FLYWCH2: variants seen among roughly 807,000 people sequenced by gnomAD.
FLYWCH2 encodes FLYWCH family member 2.
In FLYWCH2, 2 loss-of-function variants were observed where a neutral mutation model predicts 6.0. The observed-to-expected ratio is 0.33, with a 90% CI of 0.14 to 1.04. FLYWCH2 has a LOEUF of 1.04. Among genes scored for constraint, FLYWCH2 ranks in the 50% least tolerant of loss-of-function variants. The pLI is 0.45. For missense variants in FLYWCH2, 192 were observed against 183.4 expected (o/e 1.05, Z -0.27); for synonymous variants, 87 against 79.3 (o/e 1.10, Z -0.52).
At chr16:2,887,641 G>A (rs1370246313) in intron 1 of FLYWCH2, among the ~76,000 whole-genome samples, 1 of 151,690 alleles carries the variant, frequency 6.6e-6, no homozygotes, top group Non-Finnish European at 1.5e-5. Context: ...CACAATCACA[G>A]CTTACTGCAG....
At chr16:2,893,332 G>A (rs2069780740) in intron 1 of FLYWCH2, among the ~76,000 whole-genome samples, 1 of 152,118 alleles carries the variant, frequency 6.6e-6, no homozygotes, top group Non-Finnish European at 1.5e-5. Flanking sequence ...GCAGCCCAGG[G>A]GCTGCCAGCC....
At chr16:2,893,386 T>C (rs2069781202) in intron 1 of FLYWCH2, among the ~76,000 whole-genome samples, 1 of 152,238 alleles carries the variant, frequency 6.6e-6, no homozygotes, top group East Asian at 1.9e-4. Flanking sequence ...ATTTTGGAGA[T>C]TCCAGGAATT....
intron 3 of FLYWCH2, among the ~76,000 whole-genome samples, chr16:2,897,168 G>C (rs926621377): frequency 6.6e-6 from 1 of 152,170 alleles, no homozygotes; most frequent in Non-Finnish European, 1.5e-5. Context: ...AAGCTTCTTT[G>C]GTCTCACTCA....
intron 3 of FLYWCH2, among the ~76,000 whole-genome samples, chr16:2,897,788 G>A (rs559408543): frequency 6.6e-6 from 1 of 152,362 alleles, no homozygotes; most frequent in South Asian, 2.1e-4. Context: ...CTAGGCAGCA[G>A]AGGAAATGGG....
chr16:2,885,626 C>A (rs1204331814), intron 1 of FLYWCH2, among the ~76,000 whole-genome samples: 1 of 152,192 alleles, frequency 6.6e-6, no homozygotes, highest in Non-Finnish European at 1.5e-5. Flanking sequence ...ATAATTTCTT[C>A]AAGGTTCATT....
intron 1 of FLYWCH2, among the ~76,000 whole-genome samples, chr16:2,883,824 G>C (rs2069667463): frequency 6.6e-6 from 1 of 152,230 alleles, no homozygotes; most frequent in Non-Finnish European, 1.5e-5. Context: ...GGACCATTTG[G>C]GCGCAGCCCA....
At chr16:2,892,999 ATATAT>A (rs140156458) in intron 1 of FLYWCH2, among the ~76,000 whole-genome samples, 4,430 of 113,358 alleles carry the variant, frequency 0.039, 208 homozygotes, top group African/African-American at 0.13. Flanking sequence ...ACATATATAC[ATATAT>A]TTTATTTATA....
intron 1 of FLYWCH2, among the ~76,000 whole-genome samples, chr16:2,886,784 G>A (rs1033868378): frequency 6.6e-6 from 1 of 152,028 alleles, no homozygotes; most frequent in African/African-American, 2.4e-5. Flanking sequence ...GCCTCCCAAA[G>A]TGCTGGGATT....
chr16:2,885,223 G>C (rs1410663171), intron 1 of FLYWCH2, among the ~76,000 whole-genome samples: 1 of 152,096 alleles, frequency 6.6e-6, no homozygotes, highest in Non-Finnish European at 1.5e-5. Flanking sequence ...TCCGGAGGCT[G>C]AGGCAGGAGA....
In FLYWCH2 at chr16:2,896,678, G is replaced by T. The variant is rs1037199637; in HGVS notation, c.229G>T (p.Ala77Ser). 28 of 1,612,968 alleles carry T rather than the reference G, an allele frequency of 1.7e-5. No individual in the cohort carries two copies. The highest frequency in any genetic ancestry group is 2.3e-5 in the Non-Finnish European group (27 of 1,179,866). ...SLGVPGPATL[A>S]KALLQTHPEA... ...GGGGGTGCCCGGCCCCGCCACCCTT[G>T]CCAAGGCCCTCCTCCAGACCCACCC... is the stretch of plus-strand genomic sequence containing the variant. The change falls in exon 3 of 4, where the codon GCC (alanine) becomes TCC (serine). Residue 77 changes from alanine to serine, a missense_variant. Transcript: ENST00000396958.
intron 1 of FLYWCH2, among the ~76,000 whole-genome samples, chr16:2,884,917 T>C (rs2069681677): frequency 1.3e-5 from 2 of 151,782 alleles, no homozygotes; most frequent in South Asian, 4.2e-4. Flanking sequence ...TTCTTAGGGA[T>C]AGTGACATTG....
At chr16:2,892,495 C>A (rs866726635) in intron 1 of FLYWCH2, among the ~76,000 whole-genome samples, 9 of 143,746 alleles carry the variant, frequency 6.3e-5, no homozygotes, top group African/African-American at 5.1e-5. Context: ...GACTCCATCT[C>A]AAAAAAAAAA....
chr16:2,896,342 C>A lies in FLYWCH2; in HGVS notation c.-98-10C>A. On this transcript the variant is annotated splice_polypyrimidine_tract_variant and intron_variant, in intron 2 of 3. Transcript: ENST00000396958. ...TTCCACCACTGACGGGATTTTGCTT[C>A]CTTCCTTAGGACGGAACCGCTGGAC... is the stretch of plus-strand genomic sequence containing the variant. 8 of 1,389,878 alleles carry A rather than the reference C, an allele frequency of 5.8e-6. No homozygotes were observed. The highest frequency in any genetic ancestry group is 7.6e-6 in the Non-Finnish European group (8 of 1,054,348). 86.1% of individuals were successfully genotyped at this position (1,389,878 alleles called of 1,614,324 possible).
intron 3 of FLYWCH2, chr16:2,898,730 A>G: frequency 3.7e-6 from 1 of 271,604 alleles, no homozygotes; most frequent in Non-Finnish European, 6.9e-6. Flanking sequence ...TCAGGCATCG[A>G]CCACCCCCAT....
rs1275292204 is a variant in FLYWCH2, at chr16:2,887,310, TTTC to T, written c.-200+3947_-200+3949del. ...ACGGGTGCACACCACCATGCCCGGC[TTTC>T]TTTTTTTTTTTTTTTTTTTGTATTT... is the stretch of plus-strand genomic sequence containing the variant. On this transcript the variant is annotated intron_variant, in intron 1 of 3. Coordinates refer to ENST00000396958, the MANE Select transcript of FLYWCH2 (RefSeq NM_138439.3). 4.0e-4 allele frequency among the ~76,000 whole-genome samples: 11 copies of T among 27,714 alleles called. 1 individual carries two copies. Among genetic ancestry groups the T allele is most frequent in the South Asian group, 3.0e-3 (5 of 1,654 alleles). The allele number at this position is 27,714 out of a possible 152,430, so 18.2% of individuals were successfully genotyped here.
At chr16:2,884,578 T>TAAAAAAAAAA (rs1567301767) in intron 1 of FLYWCH2, among the ~76,000 whole-genome samples, 1 of 66,992 alleles carries the variant, frequency 1.5e-5, no homozygotes, top group Non-Finnish European at 2.8e-5. Context: ...AAAAAAAAAA[T>TAAAAAAAAAA]ACAAAAATTA....
At chr16:2,885,649 T>C (rs1242227989) in intron 1 of FLYWCH2, among the ~76,000 whole-genome samples, 1 of 152,236 alleles carries the variant, frequency 6.6e-6, no homozygotes, top group African/African-American at 2.4e-5. Context: ...TGTTGTAGCA[T>C]AGATTTTTTT....
At chr16:2,884,556 A>C (rs1382488055) in intron 1 of FLYWCH2, among the ~76,000 whole-genome samples, 3 of 130,516 alleles carry the variant, frequency 2.3e-5, no homozygotes, top group Non-Finnish European at 3.3e-5. Context: ...CCCCGTCTCT[A>C]CTAAAAAAAA....
chr16:2,884,563 A>AAAAAAAAAAAC (rs2069675575), intron 1 of FLYWCH2, among the ~76,000 whole-genome samples: 2 of 141,800 alleles, frequency 1.4e-5, no homozygotes, highest in Non-Finnish European at 3.1e-5. Flanking sequence ...TCTACTAAAA[A>AAAAAAAAAAAC]AAAAAAAAAA....
Sources: allele counts gnomAD v4.1 joint callset (sites outside exome capture counted in the v4.1 genomes callset), GRCh38; gene constraint gnomAD v4.1.1; transcripts MANE v1.5; gene names NCBI Gene and HGNC (gene_info 2026-07-23, HGNC 2026-07-21).